The following TELO2 variants were observed in gnomAD, a reference collection of about 807,000 sequenced individuals.
The protein encoded by TELO2 is telomere length regulation protein TEL2 homolog.
In TELO2, 71 loss-of-function variants were observed where a neutral mutation model predicts 91.0. The ratio of observed to expected loss-of-function variants is 0.78; its 90% confidence interval spans 0.64 to 0.95. The LOEUF is 0.95. Among genes scored for constraint, TELO2 ranks in the 40% least tolerant of loss-of-function variants. The pLI is 0.00. For missense variants in TELO2, 1,183 were observed against 1,141.3 expected (o/e 1.04, Z -0.53); for synonymous variants, 584 against 518.9 (o/e 1.13, Z -1.71).
At chr16:1,500,023 C>A in intron 6 of TELO2, 73 bp from the exon 7 acceptor site, 1 of 1,529,750 alleles carries the variant, frequency 6.5e-7, no homozygotes, top group Non-Finnish European at 8.8e-7. Context: ...TGGCATGGCT[C>A]TTGGCCTTGG....
At chr16:1,500,842 G>A in intron 9 of TELO2, 143 bp downstream of exon 9, 1 of 1,371,710 alleles carries the variant, frequency 7.3e-7, no homozygotes, top group East Asian at 2.5e-5. Flanking sequence ...GGCTGAGGCT[G>A]GAAGCTGTGG....
Position 1,509,919 on chromosome 16 carries a change from C to A in TELO2, c.2497C>A (p.Pro833Thr). The change falls in exon 21 of 21, where the codon CCA becomes ACA. Residue 833 changes from proline (P) to threonine (T), a missense_variant. Transcript: ENST00000262319. ...LLQRLKNRLLPPASP is the reference protein window; with the variant it reads ...LLQRLKNRLLTPASP The stretch of plus-strand genomic sequence containing the variant: ...GCAGAGACTCAAGAACAGGCTCCTC[C>A]CACCCGCGTCTCCCTAGTCCCTGGA... 6.2e-7 allele frequency: 1 copy of A among 1,600,904 alleles called. No homozygotes were observed. Among genetic ancestry groups the A allele is most frequent in the Non-Finnish European group, 8.5e-7 (1 of 1,174,458 alleles).
intron 15 of TELO2, among the ~76,000 whole-genome samples, chr16:1,504,750 G>C (rs1314989020): frequency 1.3e-5 from 2 of 151,646 alleles, no homozygotes; most frequent in East Asian, 4.0e-4. Flanking sequence ...GTAGAGACGG[G>C]GTTTCACTGT....
rs2039410658 is a variant in TELO2 at position 1,494,544 on chromosome 16, C to G, written c.263C>G (p.Ala88Gly). 6.2e-7 allele frequency: 1 copy of G among 1,613,422 alleles called. No homozygotes were observed. Among genetic ancestry groups the G allele is most frequent in the African/African-American group, 1.3e-5 (1 of 75,028 alleles). ...CATGGCCGCCTGGAGGAGCTGTGGG[C>G]CAGCTTCTTCCTGGAGGGCCCGGCG... is the stretch of plus-strand genomic sequence containing the variant. ...LPHGRLEELW[A>G]SFFLEGPADQ... The change falls in exon 2 of 21, where the codon GCC becomes GGC. Residue 88 changes from alanine (A) to glycine (G), a missense_variant. By Grantham distance (60) the Ala-to-Gly change is moderately conservative (BLOSUM62 0). Transcript: ENST00000262319. This position sits in a 1 kb window ranked among gnomAD's most constrained non-coding sequence, Gnocchi z 5.6.
rs1417095662 is a variant in TELO2 at position 1,493,671 on chromosome 16, G to C, written c.-37+66G>C. Reference sequence around the variant, plus strand: ...TGGGTCGGGTTGGGCTCCAGGTCTGGTTGGGTCGGGTCCAGGTCGGGTAGG... The same window carrying C: ...TGGGTCGGGTTGGGCTCCAGGTCTGCTTGGGTCGGGTCCAGGTCGGGTAGG... On this transcript the variant is annotated intron_variant, in intron 1 of 20. Transcript: ENST00000262319. This position sits in a 1 kb window ranked among gnomAD's most constrained non-coding sequence, Gnocchi z 4.3. The C allele has an allele frequency of 6.5e-6, 1 of 153,278 alleles. No individual in the cohort carries two copies. Among genetic ancestry groups the C allele is most frequent in the Non-Finnish European group, 1.5e-5 (1 of 68,812 alleles). The allele number at this position is 153,278 out of a possible 1,614,324, so 9.5% of individuals were successfully genotyped here.
intron 3 of TELO2, among the ~76,000 whole-genome samples, chr16:1,496,674 C>A (rs1021931315): frequency 6.6e-6 from 1 of 152,174 alleles, no homozygotes; most frequent in Non-Finnish European, 1.5e-5. Context: ...TGGTGCTGCT[C>A]CAGGGTCTCA....
Position 1,509,891 on chromosome 16 carries a change from T to G in TELO2, c.2469T>G (p.Leu823=). ...CRTLALRALL[L]LQRLKNRLLP... is the part of the protein sequence containing the mutation. ...CGCTGGCACTGAGGGCCCTGCTGCT[T>G]CTGCAGAGACTCAAGAACAGGCTCC... Residue 823 remains leucine (L), a synonymous_variant, in exon 21 of 21, where the codon CTT becomes CTG. Transcript: ENST00000262319. 1.2e-6 allele frequency: 2 copies of G among 1,611,666 alleles called. No individual in the cohort carries two copies. The highest frequency in any genetic ancestry group is 1.1e-5 in the South Asian group (1 of 90,648).
Position 1,500,457 on chromosome 16 carries a change from C to T in TELO2, c.1113C>T (p.Leu371=), listed in dbSNP as rs147383579. The change falls in exon 8 of 21, where the codon CTC becomes CTT. Residue 371 remains leucine, a synonymous_variant. Coordinates refer to ENST00000262319, the MANE Select transcript of TELO2 (RefSeq NM_016111.4). Reference sequence around the variant, plus strand: ...CTGTCCTCATCTGCCTGGCGCAACTCGGGGAGCCGGAACTGCGGGACAGCC... The same window carrying T: ...CTGTCCTCATCTGCCTGGCGCAACTTGGGGAGCCGGAACTGCGGGACAGCC... ...SKAVLICLAQ[L]GEPELRDSRD... The T allele has an allele frequency of 8.9e-5, 144 of 1,610,290 alleles. No homozygotes were observed. The highest frequency in any genetic ancestry group is 1.2e-4 in the Non-Finnish European group (140 of 1,179,248).
At position 1,494,584 on chromosome 16, in the gene TELO2, G is replaced by A; in HGVS notation, c.303G>A (p.Leu101=). The A allele has an allele frequency of 6.2e-7, 1 of 1,613,434 alleles. No individual in the cohort carries two copies. Among genetic ancestry groups the A allele is most frequent in the Non-Finnish European group, 8.5e-7 (1 of 1,179,872 alleles). ...FLEGPADQAF[L]VLMETIEGAA... ...AGGGCCCGGCGGACCAAGCCTTCCT[G>A]GTGTTGATGGAGACCATCGAGGGTG... The change falls in exon 2 of 21, where the codon CTG becomes CTA. Residue 101 remains leucine, a synonymous_variant. Coordinates refer to ENST00000262319, the MANE Select transcript of TELO2 (RefSeq NM_016111.4). The surrounding 1 kb of genome is among the most constrained non-coding windows in gnomAD (Gnocchi z 5.6).
chr16:1,497,649 C>T lies in TELO2; in HGVS notation c.830+141C>T. ...TAGGTGCCACAGGGTGTGGGTGGTG[C>T]CCTCTCAGTTCCCGCACGTGCTGAT... On this transcript the variant is annotated intron_variant, in intron 5 of 20. Transcript: ENST00000262319. The surrounding 1 kb of genome is among the most constrained non-coding windows in gnomAD (Gnocchi z 4.0). 8.4e-7 allele frequency: 1 copy of T among 1,189,736 alleles called. No individual in the cohort carries two copies. The highest frequency in any genetic ancestry group is 1.1e-6 in the Non-Finnish European group (1 of 876,944). 73.7% of individuals were successfully genotyped at this position (1,189,736 alleles called of 1,614,324 possible).
intron 15 of TELO2, among the ~76,000 whole-genome samples, chr16:1,504,547 T>C (rs73495672): frequency 0.018 from 2,518 of 140,052 alleles, 113 homozygotes; most frequent in African/African-American, 0.065. Context: ...TCACCGTAAC[T>C]GGTCTTTTTT....
intron 16 of TELO2, 21 bp from the exon 17 acceptor site, chr16:1,506,217 C>T (rs1372313937): frequency 3.7e-6 from 6 of 1,612,628 alleles, no homozygotes; most frequent in African/African-American, 1.3e-5. Context: ...CCTCCGTGAT[C>T]GCTGTAGTTG....
rs1371609181 is a variant in TELO2 at position 1,495,602 on chromosome 16, G to GC, written c.593dup (p.Val199GlyfsTer81). 1 of 1,604,048 alleles carries GC rather than the reference G, an allele frequency of 6.2e-7. No individual in the cohort carries two copies. The highest frequency in any genetic ancestry group is 2.2e-5 in the East Asian group (1 of 44,624). Reference sequence around the variant, plus strand: ...CGAGGAGGTCGTCCGGGTGCTGCAGGCGGTTGTGGACTCTCTCCAAGGTGA... The same window carrying GC: ...CGAGGAGGTCGTCCGGGTGCTGCAGGCCGGTTGTGGACTCTCTCCAAGGTGA... On this transcript the variant is annotated frameshift_variant, in exon 3 of 21. Transcript: ENST00000262319. LOFTEE classifies it high-confidence loss of function.
chr16:1,509,866 C>G lies in TELO2; in HGVS notation c.2444C>G (p.Thr815Arg), dbSNP rs764398467. 6.2e-7 allele frequency: 1 copy of G among 1,612,554 alleles called. No homozygotes were observed. Among genetic ancestry groups the G allele is most frequent in the Non-Finnish European group, 8.5e-7 (1 of 1,179,726 alleles). The change falls in exon 21 of 21, where the codon ACG becomes AGG. Residue 815 changes from threonine (T) to arginine (R), a missense_variant. By Grantham distance (71) the Thr-to-Arg change is moderately conservative. Transcript: ENST00000262319. The stretch of plus-strand genomic sequence containing the variant: ...AAAGACCCGGACGAGGACTGCAGGA[C>G]GCTGGCACTGAGGGCCCTGCTGCTT... ...AEKDPDEDCRTLALRALLLLQ... is the reference protein window; with the variant it reads ...AEKDPDEDCRRLALRALLLLQ...
chr16:1,501,857 G>A, intron 11 of TELO2, 84 bp downstream of exon 11: 2 of 1,487,690 alleles, frequency 1.3e-6, no homozygotes, highest in Non-Finnish European at 1.8e-6. Flanking sequence ...CCCCGTGGGG[G>A]GCTCCCTGCC....
At chr16:1,496,042 G>A (rs1302916286) in intron 3 of TELO2, among the ~76,000 whole-genome samples, 3 of 152,252 alleles carry the variant, frequency 2.0e-5, no homozygotes, top group Non-Finnish European at 2.9e-5. Flanking sequence ...GGCGGCTGCC[G>A]CGAGTGTGCG....
chr16:1,500,556 C>CT lies in TELO2; in HGVS notation c.1145-5dup. ...AGGTGCTCAGGGGGCCTGTCCGGTG[C>CT]TTGCAGAACTGCTGGCCAGCATGAT... On this transcript the variant is annotated splice_region_variant and splice_polypyrimidine_tract_variant and intron_variant, in intron 8 of 20. Coordinates refer to ENST00000262319, the MANE Select transcript of TELO2 (RefSeq NM_016111.4). 6.2e-7 allele frequency: 1 copy of CT among 1,611,610 alleles called. No individual in the cohort carries two copies. The highest frequency in any genetic ancestry group is 8.5e-7 in the Non-Finnish European group (1 of 1,179,480).
chr16:1,509,351 C>T (rs950057965), intron 20 of TELO2, among the ~76,000 whole-genome samples: 1 of 152,224 alleles, frequency 6.6e-6, no homozygotes, highest in Non-Finnish European at 1.5e-5. Flanking sequence ...CCAAGGCTCC[C>T]CGGGGCCCCA....
rs2039524390 is a variant in TELO2 at position 1,497,244 on chromosome 16, C to G, written c.683-117C>G. 6.7e-7 allele frequency: 1 copy of G among 1,494,100 alleles called. No homozygotes were observed. Among genetic ancestry groups the G allele is most frequent in the Admixed American group, 2.1e-5 (1 of 47,006 alleles). 92.6% of individuals were successfully genotyped at this position (1,494,100 alleles called of 1,614,324 possible). A position where few individuals can be genotyped will look rare whatever the true frequency, so the allele number is the denominator to read the frequency against. On this transcript the variant is annotated intron_variant, in intron 4 of 20. Transcript: ENST00000262319. This position sits in a 1 kb window ranked among gnomAD's most constrained non-coding sequence, Gnocchi z 4.0. ...CGGTCCTGTCCTGGGCCCGTGGGAT[C>G]TGGGGCTCAGCTGTGCTTACTGGGG...
Sources: gnomAD v4.1 joint callset for allele counts (sites outside exome capture counted in the v4.1 genomes callset) on GRCh38, gnomAD v4.1.1 for gene constraint, Gnocchi (gnomAD v3.1) non-coding constraint, MANE v1.5 for transcripts, NCBI Gene and HGNC (gene_info 2026-07-23, HGNC 2026-07-21) for gene names.